Variants in RCOR3 observed in about 807,000 individuals in gnomAD.
RCOR3 encodes the protein REST corepressor 3.
Under a neutral mutation model 64.1 loss-of-function variants are expected in RCOR3, and 13 were observed. That is an observed-to-expected ratio of 0.20 (90% CI 0.13 to 0.32). The LOEUF is 0.32. Ranked by LOEUF, RCOR3 falls within the 10% of genes least tolerant of loss-of-function variation. The pLI, the probability that RCOR3 is intolerant of heterozygous loss-of-function variation, is 1.00. For synonymous variants in RCOR3, 215 were observed against 239.0 expected (o/e 0.90, Z 0.93); for missense variants, 489 against 701.2 (o/e 0.70, Z 3.42).
At chr1:211,295,811 T>C in intron 9 of RCOR3, 58 bp downstream of exon 9, 2 of 1,359,354 alleles carry the variant, frequency 1.5e-6, no homozygotes, top group African/African-American at 1.4e-5. Context: ...TTTTCAGTTA[T>C]CTAGTGCCCA....
intron 4 of RCOR3, 126 bp downstream of exon 4, chr1:211,274,388 A>C (rs911006237): frequency 1.1e-4 from 61 of 541,724 alleles, no homozygotes; most frequent in Non-Finnish European, 1.6e-4. Context: ...ATACCACAAA[A>C]GTCCTAGCAA....
At chr1:211,263,398 T>G (rs1250370955) in intron 2 of RCOR3, among the ~76,000 whole-genome samples, 1 of 150,546 alleles carries the variant, frequency 6.6e-6, no homozygotes, top group African/African-American at 2.4e-5. Context: ...GAAATGTTAC[T>G]TTTTTTAAAG....
At chr1:211,278,374 CAAG>C (rs1457483292) in intron 6 of RCOR3, 133 bp downstream of exon 6, 1 of 986,172 alleles carries the variant, frequency 1.0e-6, no homozygotes, top group African/African-American at 1.7e-5. Context: ...TCTACTCTGA[CAAG>C]AAGAGCCAAG....
At chr1:211,298,217 TGATA>T (rs1349090421) in intron 9 of RCOR3, among the ~76,000 whole-genome samples, 1 of 152,198 alleles carries the variant, frequency 6.6e-6, no homozygotes, top group Non-Finnish European at 1.5e-5. Context: ...CAAAGTTGTA[TGATA>T]GATTTATAAG....
intron 10 of RCOR3, among the ~76,000 whole-genome samples, chr1:211,309,086 T>TTAAA (rs369747013): frequency 8.8e-6 from 1 of 113,908 alleles, no homozygotes; most frequent in East Asian, 2.8e-4. Flanking sequence ...TAGCTAAACA[T>TTAAA]AAAAAAAAAA....
At chr1:211,277,669 A>G (rs983198192) in intron 5 of RCOR3, among the ~76,000 whole-genome samples, 30 of 152,178 alleles carry the variant, frequency 2.0e-4, no homozygotes, top group African/African-American at 7.0e-4. Context: ...GTGGAAGGGG[A>G]GAATAGGGAA....
intron 10 of RCOR3, among the ~76,000 whole-genome samples, chr1:211,307,783 A>T (rs543070056): frequency 5.3e-4 from 80 of 151,600 alleles, no homozygotes; most frequent in African/African-American, 1.9e-3. Context: ...GATAAACAAA[A>T]TTTTTTCCGA....
chr1:211,275,475 T>C (rs1241965575), intron 4 of RCOR3, among the ~76,000 whole-genome samples: 1 of 152,008 alleles, frequency 6.6e-6, no homozygotes, highest in African/African-American at 2.4e-5. Context: ...TAAAGGACTG[T>C]TATCAGAGTA....
intron 6 of RCOR3, among the ~76,000 whole-genome samples, chr1:211,278,817 T>C (rs1473585021): frequency 6.6e-6 from 1 of 152,152 alleles, no homozygotes; most frequent in Non-Finnish European, 1.5e-5. Flanking sequence ...GTACAACTCT[T>C]ATTCTGTTAA....
In RCOR3 at chr1:211,272,612, CTTTTTTT is replaced by C. The variant is rs768152573; in HGVS notation, c.301+1324_301+1330del. The stretch of plus-strand genomic sequence containing the variant: ...TCAAGGGTGGATCCTGGATGTCTTA[CTTTTTTT>C]TTTTTTTTTTTTTTTTTTTTGAGAC... On this transcript the variant is annotated intron_variant, in intron 3 of 11. Coordinates refer to ENST00000419091, the MANE Select transcript of RCOR3 (RefSeq NM_001136223.3). Among the ~76,000 whole-genome samples the C allele has an allele frequency of 1.3e-3, 56 of 43,514 alleles. No individual in the cohort carries two copies. The East Asian group carries it at 0.019, about 15-fold the overall frequency. 28.5% of individuals were successfully genotyped at this position (43,514 alleles called of 152,430 possible). A position where few individuals can be genotyped will look rare whatever the true frequency, so the allele number is the denominator to read the frequency against.
rs1018939672 is a variant in RCOR3, at chr1:211,259,428, G to GCCT, written c.-121_-119dup. On this transcript the variant is annotated 5_prime_UTR_variant, in exon 1 of 12. Coordinates refer to ENST00000419091, the MANE Select transcript of RCOR3 (RefSeq NM_001136223.3). Reference sequence around the variant, plus strand: ...CGGTTATGGCGGCTCCATATTAACAGCCTCCTCCTCCTCCGCCGCCGCCGC... The same window carrying GCCT: ...CGGTTATGGCGGCTCCATATTAACAGCCTCCTCCTCCTCCTCCGCCGCCGCCGC... 17 of 867,844 alleles carry GCCT rather than the reference G, an allele frequency of 2.0e-5. No individual in the cohort carries two copies. Among genetic ancestry groups the GCCT allele is most frequent in the African/African-American group, 5.4e-5 (3 of 55,502 alleles). The allele number at this position is 867,844 out of a possible 1,614,324, so 53.8% of individuals were successfully genotyped here. A position where few individuals can be genotyped will look rare whatever the true frequency, so the allele number is the denominator to read the frequency against.
chr1:211,283,182 AG>A (rs771159802), intron 7 of RCOR3, among the ~76,000 whole-genome samples: 1 of 152,248 alleles, frequency 6.6e-6, no homozygotes, highest in Non-Finnish European at 1.5e-5. Flanking sequence ...AGCTAGGTTT[AG>A]CACTGACCCC....
chr1:211,307,677 G>A (rs959676743), intron 10 of RCOR3, among the ~76,000 whole-genome samples: 5 of 151,536 alleles, frequency 3.3e-5, no homozygotes, highest in African/African-American at 1.2e-4. Context: ...TACAGTATTT[G>A]CATTTTAATT....
chr1:211,268,853 T>C (rs545810530), intron 2 of RCOR3, among the ~76,000 whole-genome samples: 1 of 151,440 alleles, frequency 6.6e-6, no homozygotes, highest in Admixed American at 6.5e-5. Flanking sequence ...TAATTTTCCT[T>C]ATAACATACA....
intron 2 of RCOR3, among the ~76,000 whole-genome samples, chr1:211,263,375 G>GA (rs1327807999): frequency 1.3e-4 from 20 of 152,076 alleles, no homozygotes; most frequent in South Asian, 8.3e-4. Context: ...ATTTGAGGAG[G>GA]AAAAAAATCA....
chr1:211,284,327 G>A (rs1434407154), intron 7 of RCOR3, among the ~76,000 whole-genome samples: 3 of 151,926 alleles, frequency 2.0e-5, no homozygotes, highest in Admixed American at 6.6e-5. Context: ...TGATGCATCC[G>A]CCTCAGCCTC....
At chr1:211,304,175 ATTAT>A in intron 10 of RCOR3, 35 bp downstream of exon 10, 1 of 1,473,418 alleles carries the variant, frequency 6.8e-7, no homozygotes. Flanking sequence ...GTTGTTAATA[ATTAT>A]TTAATTTGTC....
intron 8 of RCOR3, among the ~76,000 whole-genome samples, chr1:211,291,032 T>C (rs1429617829): frequency 6.6e-6 from 1 of 152,046 alleles, no homozygotes; most frequent in Non-Finnish European, 1.5e-5. Context: ...AGCTTATCAC[T>C]GCATATTTAG....
chr1:211,265,211 A>C (rs1462111949), intron 2 of RCOR3, among the ~76,000 whole-genome samples: 1 of 152,196 alleles, frequency 6.6e-6, no homozygotes, highest in Non-Finnish European at 1.5e-5. Context: ...AGTGTATTGA[A>C]AATATTAAGT....
Sources: gnomAD v4.1 joint callset for allele counts (sites outside exome capture counted in the v4.1 genomes callset) on GRCh38, gnomAD v4.1.1 for gene constraint, MANE v1.5 for transcripts, NCBI Gene and HGNC (gene_info 2026-07-23, HGNC 2026-07-21) for gene names.